The following ADAM12 variants were observed in gnomAD, a reference collection of about 807,000 sequenced individuals.
ADAM12 encodes the protein disintegrin and metalloproteinase domain-containing protein 12.
Under a neutral mutation model 106.4 loss-of-function variants are expected in ADAM12, and 70 were observed. The ratio of observed to expected loss-of-function variants is 0.66; its 90% confidence interval spans 0.54 to 0.80. ADAM12 has a LOEUF of 0.80. Among genes scored for constraint, ADAM12 ranks in the 30% least tolerant of loss-of-function variants. The pLI, the probability that ADAM12 is intolerant of heterozygous loss-of-function variation, is 0.00. For missense variants in ADAM12, 1,010 were observed against 1,171.9 expected (o/e 0.86, Z 2.02); for synonymous variants, 420 against 433.5 (o/e 0.97, Z 0.39).
chr10:126,372,211 G>C (rs769689559), intron 1 of ADAM12, among the ~76,000 whole-genome samples: 7 of 152,170 alleles, frequency 4.6e-5, no homozygotes, highest in Non-Finnish European at 8.8e-5. Context: ...GTGGCTCATG[G>C]ATGCTGAGAA....
intron 1 of ADAM12, among the ~76,000 whole-genome samples, chr10:126,337,884 C>T (rs150020422): frequency 7.7e-4 from 117 of 152,220 alleles, no homozygotes; most frequent in African/African-American, 2.7e-3. Context: ...GTATTTCTGG[C>T]TTTTCTATAA....
chr10:126,082,454 C>T (rs978695528), intron 11 of ADAM12, among the ~76,000 whole-genome samples: 34 of 145,344 alleles, frequency 2.3e-4, no homozygotes, highest in Admixed American at 1.2e-3. Context: ...CCGTAACTTC[C>T]GCCTCCCGGG....
At chr10:126,144,142 A>G (rs1956580581) in intron 4 of ADAM12, among the ~76,000 whole-genome samples, 1 of 152,202 alleles carries the variant, frequency 6.6e-6, no homozygotes, top group Non-Finnish European at 1.5e-5. Flanking sequence ...TGCAGAGAGA[A>G]CAAACGCTTA....
At chr10:126,344,663 T>C (rs928043345) in intron 1 of ADAM12, among the ~76,000 whole-genome samples, 3 of 152,248 alleles carry the variant, frequency 2.0e-5, no homozygotes, top group African/African-American at 7.2e-5. Flanking sequence ...GAGCATGGAA[T>C]CTTCTTCCAT....
At chr10:126,220,998 A>G (rs913023152) in intron 3 of ADAM12, among the ~76,000 whole-genome samples, 12 of 152,348 alleles carry the variant, frequency 7.9e-5, no homozygotes, top group Middle Eastern at 3.4e-3. Context: ...GCCTCTCCAC[A>G]TCATTGGGGC....
chr10:126,154,811 A>G (rs1051863804), intron 4 of ADAM12, among the ~76,000 whole-genome samples: 1 of 152,214 alleles, frequency 6.6e-6, no homozygotes, highest in Non-Finnish European at 1.5e-5. Context: ...CATTGTGGAT[A>G]CATTCAGAAT....
At chr10:126,274,746 A>G (rs988918366) in intron 3 of ADAM12, among the ~76,000 whole-genome samples, 11 of 152,150 alleles carry the variant, frequency 7.2e-5, no homozygotes, top group African/African-American at 2.7e-4. Context: ...CCTCTTCAAC[A>G]TGGGTTGGGT....
At chr10:126,147,160 C>T (rs1956643467) in intron 4 of ADAM12, among the ~76,000 whole-genome samples, 1 of 152,234 alleles carries the variant, frequency 6.6e-6, no homozygotes, top group Non-Finnish European at 1.5e-5. Context: ...ACTATCAAAG[C>T]AAATGCTCTC....
At chr10:126,228,841 C>T (rs1958251861) in intron 3 of ADAM12, among the ~76,000 whole-genome samples, 1 of 152,124 alleles carries the variant, frequency 6.6e-6, no homozygotes, top group Non-Finnish European at 1.5e-5. Flanking sequence ...ATAAAAGTGG[C>T]TGTTTTCTTT....
chr10:126,299,624 A>G (rs553780645), intron 2 of ADAM12, among the ~76,000 whole-genome samples: 2 of 152,048 alleles, frequency 1.3e-5, no homozygotes, highest in South Asian at 4.2e-4. Flanking sequence ...ACTGTCTAAT[A>G]TTTTATTGCT....
chr10:126,075,093 G>A (rs1005710457), intron 11 of ADAM12, among the ~76,000 whole-genome samples: 155 of 152,252 alleles, frequency 1.0e-3, no homozygotes, highest in African/African-American at 3.6e-3. Flanking sequence ...TCCTCGGACT[G>A]GGTCAGCCAA....
At chr10:126,173,996 C>T (rs1236662159) in intron 3 of ADAM12, among the ~76,000 whole-genome samples, 3 of 139,656 alleles carry the variant, frequency 2.1e-5, no homozygotes, top group South Asian at 4.5e-4. Context: ...TATCCAGATT[C>T]ATCTGTTGTT....
chr10:126,214,646 G>A (rs1590629982), intron 3 of ADAM12, among the ~76,000 whole-genome samples: 2 of 152,282 alleles, frequency 1.3e-5, no homozygotes, highest in East Asian at 1.9e-4. Flanking sequence ...GAGTTTCTGT[G>A]TGCATTTGTT....
chr10:126,172,238 T>C lies in ADAM12; in HGVS notation c.261-16933A>G, dbSNP rs547965575. Among the ~76,000 whole-genome samples, 3 of 152,328 alleles carry C rather than the reference T, an allele frequency of 2.0e-5. No individual in the cohort carries two copies. The East Asian group carries it at 5.8e-4, about 29-fold the overall frequency. The stretch of plus-strand genomic sequence containing the variant: ...TAAAATGTGGAGTTACTGTTCTTTA[T>C]CTTTCCCATAAAGGCTGAGATTTCC... On this transcript the variant is annotated intron_variant, in intron 3 of 22. Transcript: ENST00000448723.
chr10:126,082,245 G>C (rs1016613568), intron 11 of ADAM12, among the ~76,000 whole-genome samples: 22 of 151,980 alleles, frequency 1.4e-4, no homozygotes, highest in African/African-American at 4.3e-4. Context: ...TGTCACATGA[G>C]CTCACCCCAC....
At chr10:126,230,956 C>T (rs1958297966) in intron 3 of ADAM12, among the ~76,000 whole-genome samples, 1 of 152,066 alleles carries the variant, frequency 6.6e-6, no homozygotes. Flanking sequence ...GGAATTGTGT[C>T]CTATGTAAAT....
At chr10:126,199,487 A>G (rs1957657438) in intron 3 of ADAM12, among the ~76,000 whole-genome samples, 1 of 152,132 alleles carries the variant, frequency 6.6e-6, no homozygotes, top group African/African-American at 2.4e-5. Context: ...CCTCCAGCTA[A>G]TGCGTTGGGA....
At chr10:126,206,738 T>TC (rs1299148970) in intron 3 of ADAM12, among the ~76,000 whole-genome samples, 1 of 152,024 alleles carries the variant, frequency 6.6e-6, no homozygotes, top group Non-Finnish European at 1.5e-5. Flanking sequence ...GGGTCTTCTT[T>TC]CTCCTGAAGG....
chr10:126,236,618 C>T (rs955062738), intron 3 of ADAM12, among the ~76,000 whole-genome samples: 2 of 151,132 alleles, frequency 1.3e-5, no homozygotes, highest in African/African-American at 4.9e-5. Flanking sequence ...GAAGGAGCAC[C>T]CACAGGAAGG....
Sources: gnomAD v4.1 joint callset for allele counts (sites outside exome capture counted in the v4.1 genomes callset) on GRCh38, gnomAD v4.1.1 for gene constraint, MANE v1.5 for transcripts, NCBI Gene and HGNC (gene_info 2026-07-23, HGNC 2026-07-21) for gene names.